Variants in NIPSNAP3B observed in about 807,000 individuals in gnomAD.
NIPSNAP3B encodes protein NipSnap homolog 3B.
Under a neutral mutation model 31.5 loss-of-function variants are expected in NIPSNAP3B, and 30 were observed. The observed-to-expected ratio is 0.95, with a 90% CI of 0.71 to 1.29. The LOEUF (loss-of-function observed/expected upper bound fraction) is 1.29, where lower values mean the gene tolerates loss of function less well. NIPSNAP3B is among the 50% of genes most tolerant of loss of function. The probability of loss-of-function intolerance (pLI) is 0.00; values close to 1 mark genes in which losing one functional copy is unlikely to be tolerated. For synonymous variants in NIPSNAP3B, 106 were observed against 107.9 expected, an observed-to-expected ratio of 0.98 and a Z score of 0.11; for missense variants, 269 against 300.7, an observed-to-expected ratio of 0.89 and a Z score of 0.78.
the NIPSNAP3B span, among the ~76,000 whole-genome samples, chr9:104,789,607 T>C: frequency 4.6e-5 from 7 of 152,178 alleles, no homozygotes; most frequent in Non-Finnish European, 8.8e-5. Context: ...AATGACGCAG[T>C]ATAAGGTAGA....
chr9:104,782,020 T>C (rs1386819997), downstream of NIPSNAP3B: 2 of 152,170 alleles, frequency 1.3e-5, no homozygotes, highest in Non-Finnish European at 2.9e-5. Flanking sequence ...TTCTTCAAAA[T>C]AGTTCACAGT....
chr9:104,789,771 C>CCACT, the NIPSNAP3B span, among the ~76,000 whole-genome samples: 27,572 of 151,930 alleles, frequency 0.18, 3,706 homozygotes, highest in African/African-American at 0.38. Context: ...ACTCTGAAAG[C>CCACT]CACTGCCTTG....
At chr9:104,778,450 C>T (rs146418615), downstream of NIPSNAP3B, among the ~76,000 whole-genome samples, 1,123 of 152,226 alleles carry the variant, frequency 7.4e-3, 13 homozygotes, top group African/African-American at 0.026. Flanking sequence ...TGGTCGCAAA[C>T]GCCTGACCTC....
chr9:104,785,621 T>C, the NIPSNAP3B span: 2 of 1,614,036 alleles, frequency 1.2e-6, no homozygotes, highest in Non-Finnish European at 8.5e-7. Flanking sequence ...GTACAACTAT[T>C]GTATAACCAT....
chr9:104,787,844 G>A, the NIPSNAP3B span: 1 of 1,613,506 alleles, frequency 6.2e-7, no homozygotes, highest in South Asian at 1.1e-5. Context: ...AACAGCCCTG[G>A]ACATATAGGA....
At chr9:104,779,487 G>C (rs553926641), downstream of NIPSNAP3B, among the ~76,000 whole-genome samples, 117 of 152,198 alleles carry the variant, frequency 7.7e-4, no homozygotes, top group South Asian at 1.5e-3. Flanking sequence ...CTGTACCTTT[G>C]GACGAGTTTC....
downstream of NIPSNAP3B, among the ~76,000 whole-genome samples, chr9:104,778,075 A>G (rs1185535332): frequency 6.6e-6 from 1 of 152,078 alleles, no homozygotes; most frequent in Non-Finnish European, 1.5e-5. Context: ...TACTCTTCAG[A>G]TTTTACTCTC....
At position 104,776,782 on chromosome 9, in the gene NIPSNAP3B, A is replaced by G. The variant is rs188102516; in HGVS notation, c.*3709A>G. On this transcript the variant is annotated 3_prime_UTR_variant, in exon 6 of 6. Transcript: ENST00000374762. Reference sequence around the variant, plus strand: ...CTCTTCCCACTAGAAACCGAATTCTATGACAGCAAGGGTTTTTGTTTTCAT... The same window carrying G: ...CTCTTCCCACTAGAAACCGAATTCTGTGACAGCAAGGGTTTTTGTTTTCAT... Among the ~76,000 whole-genome samples, 136 of 152,358 alleles carry G rather than the reference A, an allele frequency of 8.9e-4. No homozygotes were observed. Among genetic ancestry groups the G allele is most frequent in the Non-Finnish European group, 1.6e-3 (106 of 68,032 alleles).
downstream of NIPSNAP3B, among the ~76,000 whole-genome samples, chr9:104,779,829 G>A (rs1035614707): frequency 6.6e-6 from 1 of 152,080 alleles, no homozygotes; most frequent in Non-Finnish European, 1.5e-5. Flanking sequence ...AGGAGTTTGA[G>A]ACCAGCCTGG....
chr9:104,788,651 T>C, the NIPSNAP3B span: 1 of 1,499,818 alleles, frequency 6.7e-7, no homozygotes, highest in African/African-American at 1.4e-5. Flanking sequence ...TCCTGTAAAG[T>C]ATGCTTCTCC....
intron 2 of NIPSNAP3B, 123 bp downstream of exon 2, chr9:104,766,658 G>A: frequency 2.2e-6 from 2 of 928,898 alleles, no homozygotes; most frequent in African/African-American, 1.7e-5. Flanking sequence ...CTTTTTAAAA[G>A]CAATACCAAA....
Position 104,770,999 on chromosome 9 carries a change from G to T in NIPSNAP3B, c.580+1G>T, listed in dbSNP as rs754003866. The T allele has an allele frequency of 3.1e-6, 5 of 1,613,284 alleles. No homozygotes were observed. Among genetic ancestry groups the T allele is most frequent in the African/African-American group, 2.7e-5 (2 of 74,912 alleles). ...ACAGAATATGGAGAACTCAACAGAG[G>T]TACAGTTGTCCATTTGTTCTATGAA... is the stretch of plus-strand genomic sequence containing the variant. On this transcript the variant is annotated splice_donor_variant, in intron 4 of 5. Transcript: ENST00000374762. LOFTEE classifies it high-confidence loss of function.
intron 4 of NIPSNAP3B, among the ~76,000 whole-genome samples, chr9:104,772,209 T>G (rs1419522527): frequency 9.8e-5 from 11 of 112,110 alleles, no homozygotes; most frequent in Admixed American, 3.2e-4. Flanking sequence ...TTTTTTTTTG[T>G]TTTTTTTTTT....
chr9:104,764,206 C>A lies in NIPSNAP3B; in HGVS notation c.-35C>A. ...CTTCAGAGAAGTCTCACAAAGGACT[C>A]GGCTGGCTGCTTTTCTCAGTGCCGA... On this transcript the variant is annotated 5_prime_UTR_variant, in exon 1 of 6. Coordinates refer to ENST00000374762, the MANE Select transcript of NIPSNAP3B (RefSeq NM_018376.4). 1.3e-6 allele frequency: 2 copies of A among 1,583,326 alleles called. No homozygotes were observed. The highest frequency in any genetic ancestry group is 1.7e-6 in the Non-Finnish European group (2 of 1,164,948).
rs1828297266 is a variant in NIPSNAP3B, at chr9:104,774,752, C to T, written c.*1679C>T. Reference sequence around the variant, plus strand: ...GATTATGACTTTTCCTAAAACTTAACATGACAGAGATTTGCCTTCCAGGGG... The same window carrying T: ...GATTATGACTTTTCCTAAAACTTAATATGACAGAGATTTGCCTTCCAGGGG... On this transcript the variant is annotated 3_prime_UTR_variant, in exon 6 of 6. Transcript: ENST00000374762. Among the ~76,000 whole-genome samples the T allele has an allele frequency of 6.6e-6, 1 of 152,136 alleles. No individual in the cohort carries two copies. The highest frequency in any genetic ancestry group is 2.4e-5 in the African/African-American group (1 of 41,428).
At chr9:104,766,256 A>G (rs1828086946) in intron 1 of NIPSNAP3B, 69 bp from the exon 2 acceptor site, 5 of 1,270,518 alleles carry the variant, frequency 3.9e-6, no homozygotes, top group Non-Finnish European at 5.7e-6. Context: ...TACCAGACTC[A>G]GATTTGGTTG....
At chr9:104,789,947 T>A in the NIPSNAP3B span, among the ~76,000 whole-genome samples, 1 of 151,906 alleles carries the variant, frequency 6.6e-6, no homozygotes, top group Non-Finnish European at 1.5e-5. Context: ...TACAAAAAAA[T>A]TAGGCAGGCA....
At chr9:104,766,777 A>G (rs1828098939) in intron 2 of NIPSNAP3B, among the ~76,000 whole-genome samples, 1 of 152,194 alleles carries the variant, frequency 6.6e-6, no homozygotes, top group Non-Finnish European at 1.5e-5. Context: ...ATATCAAACC[A>G]TAAAATTGTG....
the NIPSNAP3B span, chr9:104,786,271 C>G: frequency 1.3e-6 from 2 of 1,565,620 alleles, no homozygotes; most frequent in Non-Finnish European, 8.8e-7. Flanking sequence ...TCACTAGGCA[C>G]TATCCCAAAG....
Sources: gnomAD v4.1 joint callset for allele counts (sites outside exome capture counted in the v4.1 genomes callset) on GRCh38, gnomAD v4.1.1 for gene constraint, MANE v1.5 for transcripts, NCBI Gene and HGNC (gene_info 2026-07-23, HGNC 2026-07-21) for gene names.